TMEM150C: variants seen among roughly 807,000 people sequenced by gnomAD.
TMEM150C encodes transmembrane protein 150C, also known as tentonin 3.
A neutral mutation model predicts 29.9 loss-of-function variants in TMEM150C; 10 were observed. The observed-to-expected ratio is 0.33, with a 90% CI of 0.21 to 0.57. The LOEUF (loss-of-function observed/expected upper bound fraction) is 0.57. Among genes scored for constraint, TMEM150C ranks in the 20% least tolerant of loss-of-function variants. The pLI, the probability that TMEM150C is intolerant of heterozygous loss-of-function variation, is 0.88. For missense variants in TMEM150C, 251 were observed against 303.6 expected (o/e 0.83, Z 1.29); for synonymous variants, 101 against 112.5 (o/e 0.90, Z 0.64).
chr4:82,529,364 C>T (rs1418824840), intron 1 of TMEM150C, among the ~76,000 whole-genome samples: 1 of 151,520 alleles, frequency 6.6e-6, no homozygotes, highest in African/African-American at 2.4e-5. Flanking sequence ...TCACAGCTCA[C>T]TCCAGCCTCG....
chr4:82,553,725 T>C (rs1355363418), intron 1 of TMEM150C, among the ~76,000 whole-genome samples: 3 of 152,242 alleles, frequency 2.0e-5, no homozygotes, highest in Admixed American at 6.5e-5. Context: ...CATTTCTGAA[T>C]TGCTACATTT....
At position 82,507,810 on chromosome 4, in the gene TMEM150C, T is replaced by C. The variant is rs553914782; in HGVS notation, c.-10-3143A>G. ...GTCACCCAGGCTGGATGGGGTGCAG[T>C]GATTATGGCTCACTGCTGCCTCAAC... On this transcript the variant is annotated intron_variant, in intron 1 of 7. Transcript: ENST00000449862. Among the ~76,000 whole-genome samples the C allele has an allele frequency of 2.9e-3, 401 of 139,386 alleles. 2 individuals are homozygous for C. The highest frequency in any genetic ancestry group is 4.1e-3 in the Non-Finnish European group (271 of 65,668). The allele number at this position is 139,386 out of a possible 152,430, so 91.4% of individuals were successfully genotyped here. A position where few individuals can be genotyped will look rare whatever the true frequency, so the allele number is the denominator to read the frequency against.
At chr4:82,514,541 T>C (rs1485214507) in intron 1 of TMEM150C, among the ~76,000 whole-genome samples, 1 of 152,138 alleles carries the variant, frequency 6.6e-6, no homozygotes, top group African/African-American at 2.4e-5. Flanking sequence ...AGCAAGTGTG[T>C]TCTATGTGTA....
chr4:82,515,370 G>A (rs1041018570), intron 1 of TMEM150C, among the ~76,000 whole-genome samples: 1 of 152,186 alleles, frequency 6.6e-6, no homozygotes, highest in African/African-American at 2.4e-5. Flanking sequence ...AGGAATGGCT[G>A]GGTAACATGA....
Position 82,487,254 on chromosome 4 carries a change from G to T in TMEM150C, c.542-1535C>A, listed in dbSNP as rs1051793827. ...ACTTGAGCCCAGTAGTTCGAGACCA[G>T]CCTGGGCAACATGGCAAAACCACGT... On this transcript the variant is annotated intron_variant, in intron 7 of 7. Coordinates refer to ENST00000449862, the MANE Select transcript of TMEM150C (RefSeq NM_001080506.3). Among the ~76,000 whole-genome samples, 3 of 152,166 alleles carry T rather than the reference G, an allele frequency of 2.0e-5. No homozygotes were observed. In the East Asian group the frequency reaches 5.8e-4, roughly 29 times the overall value.
intron 6 of TMEM150C, among the ~76,000 whole-genome samples, chr4:82,492,894 A>ATATC: frequency 7.2e-6 from 1 of 138,024 alleles, no homozygotes; most frequent in East Asian, 2.0e-4. Context: ...ATATATATAT[A>ATATC]TATATGTATT....
chr4:82,524,772 A>T (rs1724600499), intron 1 of TMEM150C, among the ~76,000 whole-genome samples: 1 of 152,224 alleles, frequency 6.6e-6, no homozygotes. Flanking sequence ...AACAAGTCCT[A>T]CAAAGCCCAG....
At chr4:82,528,263 C>CACCTGCACGGGCTATTTT (rs1427516620) in intron 1 of TMEM150C, among the ~76,000 whole-genome samples, 4 of 152,202 alleles carry the variant, frequency 2.6e-5, no homozygotes, top group Non-Finnish European at 5.9e-5. Context: ...CAGGGGCTCT[C>CACCTGCACGGGCTATTTT]GAACTTCAGC....
intron 1 of TMEM150C, among the ~76,000 whole-genome samples, chr4:82,525,998 G>A (rs535419728): frequency 6.6e-6 from 1 of 152,244 alleles, no homozygotes; most frequent in Non-Finnish European, 1.5e-5. Context: ...TCCACCTCCT[G>A]GGCTCATGTG....
At chr4:82,558,384 A>G (rs2110096058) in intron 1 of TMEM150C, among the ~76,000 whole-genome samples, 1 of 152,342 alleles carries the variant, frequency 6.6e-6, no homozygotes, top group East Asian at 1.9e-4. Context: ...GCACTGATCT[A>G]GAAAAGGCTG....
At chr4:82,554,391 G>T (rs1209122661) in intron 1 of TMEM150C, among the ~76,000 whole-genome samples, 2 of 152,084 alleles carry the variant, frequency 1.3e-5, no homozygotes, top group African/African-American at 4.8e-5. Context: ...CATTACAATG[G>T]TATCAACATT....
At chr4:82,493,371 A>T (rs945787199) in intron 6 of TMEM150C, among the ~76,000 whole-genome samples, 8 of 152,134 alleles carry the variant, frequency 5.3e-5, no homozygotes, top group African/African-American at 1.7e-4. Context: ...ATTAATCTTT[A>T]AAAAAGATAA....
intron 1 of TMEM150C, among the ~76,000 whole-genome samples, chr4:82,557,203 T>C (rs1316344208): frequency 6.6e-6 from 1 of 152,220 alleles, no homozygotes; most frequent in Admixed American, 6.5e-5. Context: ...CAAATCCCAT[T>C]TTAATGGCTT....
chr4:82,490,305 A>G (rs1723295422), intron 6 of TMEM150C, 67 bp from the exon 7 acceptor site: 2 of 1,369,206 alleles, frequency 1.5e-6, no homozygotes, highest in African/African-American at 2.9e-5. Context: ...AGTTGAAGGA[A>G]TGAATATATG....
intron 7 of TMEM150C, among the ~76,000 whole-genome samples, chr4:82,489,651 G>A (rs1560478591): frequency 6.6e-6 from 1 of 152,008 alleles, no homozygotes; most frequent in East Asian, 1.9e-4. Flanking sequence ...TTGGTCCTCT[G>A]AAATTCATTT....
At chr4:82,515,163 T>C (rs1023157904) in intron 1 of TMEM150C, among the ~76,000 whole-genome samples, 1 of 152,220 alleles carries the variant, frequency 6.6e-6, no homozygotes, top group African/African-American at 2.4e-5. Context: ...GTGAATCCAC[T>C]GATACCCAAG....
chr4:82,530,366 G>A (rs981166724), intron 1 of TMEM150C, among the ~76,000 whole-genome samples: 2 of 151,994 alleles, frequency 1.3e-5, no homozygotes, highest in African/African-American at 4.8e-5. Flanking sequence ...GACCATCCTG[G>A]CTAACACAGT....
chr4:82,518,913 T>C (rs1290833073), intron 1 of TMEM150C, among the ~76,000 whole-genome samples: 4 of 152,230 alleles, frequency 2.6e-5, no homozygotes, highest in East Asian at 1.9e-4. Flanking sequence ...AGATAACTAT[T>C]TATAGCATAT....
chr4:82,495,745 A>T, intron 6 of TMEM150C: 1 of 341,500 alleles, frequency 2.9e-6, no homozygotes, highest in East Asian at 6.8e-5. Context: ...ACTGATTCGG[A>T]CCACATAACC....
Sources: allele counts gnomAD v4.1 joint callset (sites outside exome capture counted in the v4.1 genomes callset), GRCh38; gene constraint gnomAD v4.1.1; transcripts MANE v1.5; gene names NCBI Gene and HGNC (gene_info 2026-07-23, HGNC 2026-07-21).